ZNF607: variants seen among roughly 807,000 people sequenced by gnomAD.
ZNF607 encodes zinc finger protein 607.
ZNF607 carries 5 observed loss-of-function variants against 12.8 expected under a neutral mutation model. The observed-to-expected ratio is 0.39, with a 90% confidence interval of 0.20 to 0.82. The LOEUF (loss-of-function observed/expected upper bound fraction) is 0.82, where lower values mean the gene tolerates loss of function less well. Among genes scored for constraint, ZNF607 ranks in the 40% least tolerant of loss-of-function variants. The pLI is 0.39. For missense variants in ZNF607, 851 were observed against 859.2 expected (o/e 0.99, Z 0.12); for synonymous variants, 287 against 276.2 (o/e 1.04, Z -0.39).
rs1451617762 is a variant in ZNF607, at chr19:37,698,727, C to T, written c.1404G>A (p.Glu468=). 2 of 1,613,098 alleles carry T rather than the reference C, an allele frequency of 1.2e-6. No homozygotes were observed. The highest frequency in any genetic ancestry group is 2.7e-5 in the African/African-American group (2 of 74,838). ...AGGGTTTCTCTCCTGTATGAATTCT[C>T]TCATGTATAACAAGATATGAGGCAC... ...FRCASYLVIH[E]RIHTGEKPYV... is the part of the protein sequence containing the mutation. Residue 468 remains glutamate (E), a synonymous_variant, in exon 5 of 5, where the codon GAG becomes GAA. Coordinates refer to ENST00000355202, the MANE Select transcript of ZNF607 (RefSeq NM_032689.5).
chr19:37,714,051 T>G (rs1488280958), intron 1 of ZNF607, among the ~76,000 whole-genome samples: 1 of 152,072 alleles, frequency 6.6e-6, no homozygotes, highest in Non-Finnish European at 1.5e-5. Flanking sequence ...TCGGGCGCAG[T>G]GGCTCATGCC....
At chr19:37,700,350 C>G (rs2045029087) in intron 4 of ZNF607, among the ~76,000 whole-genome samples, 1 of 152,120 alleles carries the variant, frequency 6.6e-6, no homozygotes, top group African/African-American at 2.4e-5. Context: ...GATTGAACAT[C>G]TGTAGGACCA....
intron 4 of ZNF607, among the ~76,000 whole-genome samples, chr19:37,704,769 A>AGATAG (rs2045066499): frequency 2.0e-5 from 3 of 152,200 alleles, no homozygotes; most frequent in Non-Finnish European, 2.9e-5. Flanking sequence ...CATCCTGGCT[A>AGATAG]ACACGGTGAA....
chr19:37,706,290 G>C (rs1382596094), intron 4 of ZNF607: 1 of 151,760 alleles, frequency 6.6e-6, no homozygotes, highest in Non-Finnish European at 1.5e-5. Context: ...GAGGGGGAAG[G>C]GGGAAGGGGG....
intron 1 of ZNF607, among the ~76,000 whole-genome samples, 180 bp from the exon 2 acceptor site, chr19:37,711,872 TAC>T (rs1439999176): frequency 6.6e-6 from 1 of 152,218 alleles, no homozygotes; most frequent in Admixed American, 6.5e-5. Flanking sequence ...GGGCCTCACC[TAC>T]ACAGAGTCAT....
At position 37,699,472 on chromosome 19, in the gene ZNF607, T is replaced by A. The variant is rs2045018203; in HGVS notation, c.659A>T (p.Tyr220Phe). 6.2e-7 allele frequency: 1 copy of A among 1,613,980 alleles called. No individual in the cohort carries two copies. Among genetic ancestry groups the A allele is most frequent in the Non-Finnish European group, 8.5e-7 (1 of 1,179,926 alleles). ...RQLTVHHRFH[Y>F]GEKPYECKEC... The stretch of plus-strand genomic sequence containing the variant: ...CTTACATTCGTAGGGTTTCTCACCA[T>A]AATGAAATCTATGATGTACAGTAAG... The change falls in exon 5 of 5, where the codon TAT becomes TTT. Residue 220 changes from tyrosine (Y) to phenylalanine (F), a missense_variant. Coordinates refer to ENST00000355202, the MANE Select transcript of ZNF607 (RefSeq NM_032689.5).
chr19:37,716,216 AT>A (rs2045175449), intron 1 of ZNF607, among the ~76,000 whole-genome samples: 1 of 152,182 alleles, frequency 6.6e-6, no homozygotes, highest in Non-Finnish European at 1.5e-5. Context: ...GAAACAGTGG[AT>A]TTTGTAAGGT....
intron 1 of ZNF607, among the ~76,000 whole-genome samples, chr19:37,718,733 C>A (rs990673406): frequency 2.0e-5 from 3 of 152,316 alleles, no homozygotes; most frequent in Middle Eastern, 6.8e-3. Flanking sequence ...TCCCCCAGGT[C>A]TCTCTCTCCA....
chr19:37,698,415 A>G lies in ZNF607; in HGVS notation c.1716T>C (p.His572=), dbSNP rs755359754. Residue 572 remains histidine, a synonymous_variant, in exon 5 of 5, where the codon CAT becomes CAC. Coordinates refer to ENST00000355202, the MANE Select transcript of ZNF607 (RefSeq NM_032689.5). ...GGTCATGATATATGAGGCTTGTGGC[A>G]TGACGAAAGGCCTTGCCACATTCCT... ...ECKECGKAFR[H]ATSLIYHDRT... 9.9e-6 allele frequency: 16 copies of G among 1,614,086 alleles called. No individual in the cohort carries two copies. The East Asian group carries it at 3.6e-4, about 36-fold the overall frequency.
intron 2 of ZNF607, among the ~76,000 whole-genome samples, chr19:37,711,325 A>T (rs2045130959): frequency 6.6e-6 from 1 of 152,214 alleles, no homozygotes; most frequent in African/African-American, 2.4e-5. Flanking sequence ...TCTGTACTCA[A>T]AGAACTTGAC....
chr19:37,711,533 A>G lies in ZNF607; in HGVS notation c.9+77T>C, dbSNP rs2045132585. ...AGCACCGTCTCACGAAGGTAACTTCAGGAAAAATGATGAGAAGACATACAT... is the reference window on the plus strand; with the variant it reads ...AGCACCGTCTCACGAAGGTAACTTCGGGAAAAATGATGAGAAGACATACAT... On this transcript the variant is annotated intron_variant, in intron 2 of 4. Transcript: ENST00000355202. 1.7e-5 allele frequency: 26 copies of G among 1,489,180 alleles called. 1 individual carries two copies. In the South Asian group the frequency reaches 2.9e-4, roughly 17 times the overall value. 92.2% of individuals were successfully genotyped at this position (1,489,180 alleles called of 1,614,324 possible).
chr19:37,707,693 G>A (rs577728877), intron 4 of ZNF607, among the ~76,000 whole-genome samples: 1 of 152,234 alleles, frequency 6.6e-6, no homozygotes, highest in East Asian at 1.9e-4. Context: ...GCCCGCCTCG[G>A]CCTCCCAAAG....
chr19:37,711,522 A>G, intron 2 of ZNF607, 88 bp downstream of exon 2: 1 of 1,373,006 alleles, frequency 7.3e-7, no homozygotes, highest in Non-Finnish European at 1.0e-6. Context: ...CCGTCTCACG[A>G]AGGTAACTTC....
chr19:37,713,115 A>C (rs1646005255), intron 1 of ZNF607, among the ~76,000 whole-genome samples: 2 of 151,772 alleles, frequency 1.3e-5, no homozygotes, highest in African/African-American at 4.8e-5. Flanking sequence ...TACAGTGAAA[A>C]CTACAAGGTT....
In ZNF607 at chr19:37,699,426, A is replaced by T. The variant is rs924789501; in HGVS notation, c.705T>A (p.Ser235Arg). 8.1e-6 allele frequency: 13 copies of T among 1,614,100 alleles called. No homozygotes were observed. Among genetic ancestry groups the T allele is most frequent in the Non-Finnish European group, 1.1e-5 (13 of 1,180,002 alleles). The change falls in exon 5 of 5, where the codon AGT (serine) becomes AGA (arginine). Residue 235 changes from serine (S) to arginine (R), a missense_variant. By Grantham distance (110) the Ser-to-Arg change is moderately radical (BLOSUM62 -1). Transcript: ENST00000355202. ...YECKECGKAFSVYGRLSRHQS... is the reference protein window; with the variant it reads ...YECKECGKAFRVYGRLSRHQS... ...GATGTCGACTAAGTCGTCCATACAC[A>T]CTAAAGGCCTTGCCACATTCCTTAC...
chr19:37,700,273 T>C (rs1385161399), intron 4 of ZNF607, among the ~76,000 whole-genome samples: 2 of 152,160 alleles, frequency 1.3e-5, no homozygotes, highest in African/African-American at 4.8e-5. Flanking sequence ...TAAATTTATA[T>C]CATATGCTAA....
chr19:37,703,560 G>T (rs2045057332), intron 4 of ZNF607, among the ~76,000 whole-genome samples: 1 of 152,058 alleles, frequency 6.6e-6, no homozygotes, highest in African/African-American at 2.4e-5. Flanking sequence ...ACTATGTAAT[G>T]GCTACAAGGA....
In ZNF607 at chr19:37,699,061, G is replaced by A. The variant is rs991582156; in HGVS notation, c.1070C>T (p.Thr357Ile). Residue 357 changes from threonine to isoleucine, a missense_variant, in exon 5 of 5, where the codon ACA (threonine) becomes ATA (isoleucine). Thr to Ile is a moderately conservative substitution (Grantham distance 89). Transcript: ENST00000355202. Reference protein sequence around the residue: ...SSGHQLTAPHTFESVEKPYKC... With the variant: ...SSGHQLTAPHIFESVEKPYKC... ...ATAAGGTTTCTCAACACTTTCAAAT[G>A]TATGAGGTGCAGTAAGTTGATGGCC... 4 of 1,613,682 alleles carry A rather than the reference G, an allele frequency of 2.5e-6. No individual in the cohort carries two copies. Among genetic ancestry groups the A allele is most frequent in the East Asian group, 2.2e-5 (1 of 44,858 alleles).
At position 37,699,105 on chromosome 19, in the gene ZNF607, A is replaced by G. The variant is rs1385100931; in HGVS notation, c.1026T>C (p.Asn342=). ...GATGGCCACTACTAAAAGCCTCCCC[A>G]TTTTCTTTACATTCATAGTGTTTCT... ...SGEKHYECKE[N]GEAFSSGHQL... Residue 342 remains asparagine (N), a synonymous_variant, in exon 5 of 5, where the codon AAT becomes AAC. Transcript: ENST00000355202. The G allele has an allele frequency of 6.2e-7, 1 of 1,613,932 alleles. No homozygotes were observed. The highest frequency in any genetic ancestry group is 8.5e-7 in the Non-Finnish European group (1 of 1,179,962).
Sources: gnomAD v4.1 joint callset for allele counts (sites outside exome capture counted in the v4.1 genomes callset) on GRCh38, gnomAD v4.1.1 for gene constraint, MANE v1.5 for transcripts, NCBI Gene and HGNC (gene_info 2026-07-23, HGNC 2026-07-21) for gene names.